The following MAGI2 variants were observed in gnomAD, a reference collection of about 807,000 sequenced individuals.
The protein encoded by MAGI2 is membrane-associated guanylate kinase, WW and PDZ domain-containing protein 2.
In MAGI2, 35 loss-of-function variants were observed where a neutral mutation model predicts 133.3. The ratio of observed to expected loss-of-function variants is 0.26; its 90% confidence interval spans 0.20 to 0.35. The LOEUF is 0.35. Among genes scored for constraint, MAGI2 ranks in the 10% least tolerant of loss-of-function variants. The pLI, the probability that MAGI2 is intolerant of heterozygous loss-of-function variation, is 1.00. For missense variants in MAGI2, 1,636 were observed against 1,863.4 expected (o/e 0.88, Z 2.25); for synonymous variants, 729 against 710.6 (o/e 1.03, Z -0.41).
intron 1 of MAGI2, among the ~76,000 whole-genome samples, chr7:79,361,974 G>T (rs968510941): frequency 1.3e-4 from 20 of 152,110 alleles, no homozygotes; most frequent in Admixed American, 1.2e-3. Flanking sequence ...TTATGGAAAT[G>T]AGGAAAAGTC....
intron 1 of MAGI2, among the ~76,000 whole-genome samples, chr7:79,265,514 C>A (rs1834386727): frequency 6.6e-6 from 1 of 151,952 alleles, no homozygotes; most frequent in African/African-American, 2.4e-5. Context: ...GTGTGAATGT[C>A]CATATTTATA....
chr7:78,698,797 C>T (rs1448452245), intron 2 of MAGI2, among the ~76,000 whole-genome samples: 3 of 152,110 alleles, frequency 2.0e-5, no homozygotes, highest in East Asian at 3.9e-4. Flanking sequence ...GGGAAAGCCC[C>T]TTACAAAACC....
chr7:78,308,352 A>G (rs1288532400), intron 9 of MAGI2, among the ~76,000 whole-genome samples: 1 of 152,198 alleles, frequency 6.6e-6, no homozygotes, highest in Non-Finnish European at 1.5e-5. Context: ...ATGTACAACA[A>G]GACTGTCAGC....
At chr7:78,399,971 A>G (rs1796710228) in intron 6 of MAGI2, among the ~76,000 whole-genome samples, 1 of 152,122 alleles carries the variant, frequency 6.6e-6, no homozygotes, top group Non-Finnish European at 1.5e-5. Flanking sequence ...AAACAAAACC[A>G]AAAAACCATG....
intron 2 of MAGI2, among the ~76,000 whole-genome samples, chr7:78,952,402 T>C (rs1428577651): frequency 6.6e-6 from 1 of 152,176 alleles, no homozygotes; most frequent in Non-Finnish European, 1.5e-5. Context: ...GGGTCTATAT[T>C]GCCCTCTCAT....
chr7:78,780,155 C>T (rs570345561), intron 2 of MAGI2, among the ~76,000 whole-genome samples: 19 of 152,292 alleles, frequency 1.2e-4, no homozygotes, highest in African/African-American at 3.6e-4. Flanking sequence ...AAAACTGGCT[C>T]TATGAAAAAC....
chr7:79,377,724 G>A (rs1296752277), intron 1 of MAGI2, among the ~76,000 whole-genome samples: 2 of 151,724 alleles, frequency 1.3e-5, no homozygotes, highest in Admixed American at 1.3e-4. Context: ...ATCACTGGAG[G>A]GAACAATTAG....
chr7:78,628,299 T>C (rs373895358), intron 2 of MAGI2, among the ~76,000 whole-genome samples: 7 of 84,348 alleles, frequency 8.3e-5, no homozygotes, highest in Non-Finnish European at 1.6e-4. Context: ...AAGAAATATA[T>C]AGAAGCCAGA....
At chr7:78,761,250 C>T (rs749422109) in intron 2 of MAGI2, among the ~76,000 whole-genome samples, 9 of 152,154 alleles carry the variant, frequency 5.9e-5, no homozygotes, top group South Asian at 2.1e-4. Flanking sequence ...CCAGGACATG[C>T]AAGGCATGGG....
At chr7:79,194,835 TA>T in intron 1 of MAGI2, among the ~76,000 whole-genome samples, 1 of 151,816 alleles carries the variant, frequency 6.6e-6, no homozygotes, top group East Asian at 1.9e-4. Flanking sequence ...CTGTTTGCTA[TA>T]GTAAAGGTTA....
At chr7:78,874,657 T>A (rs1349129494) in intron 2 of MAGI2, among the ~76,000 whole-genome samples, 1 of 152,126 alleles carries the variant, frequency 6.6e-6, no homozygotes, top group African/African-American at 2.4e-5. Flanking sequence ...GGGAAATCAA[T>A]CTATTAGTCA....
chr7:78,539,395 A>G (rs1378157724), intron 3 of MAGI2, among the ~76,000 whole-genome samples: 1 of 152,064 alleles, frequency 6.6e-6, no homozygotes, highest in Non-Finnish European at 1.5e-5. Context: ...CCTTTTGGAT[A>G]TGCTGTTGGA....
Position 78,195,075 on chromosome 7 carries a change from C to G in MAGI2, c.2080-12G>C. ...CATCGGTCCATTATCTGAAAAGTGA[C>G]AGAGGACAGAGAAAATGACTGACAA... On this transcript the variant is annotated splice_polypyrimidine_tract_variant and intron_variant, in intron 11 of 21. Transcript: ENST00000354212. 6.3e-7 allele frequency: 1 copy of G among 1,579,686 alleles called. No homozygotes were observed. The highest frequency in any genetic ancestry group is 8.6e-7 in the Non-Finnish European group (1 of 1,163,032).
In MAGI2 at chr7:78,536,103, C is replaced by CTTTTTTTTTTTT. The variant is rs544655465; in HGVS notation, c.539-14470_539-14459dup. Among the ~76,000 whole-genome samples the CTTTTTTTTTTTT allele has an allele frequency of 1.5e-4, 9 of 59,938 alleles. 1 individual carries two copies. The highest frequency in any genetic ancestry group is 3.0e-4 in the African/African-American group (4 of 13,224). 39.3% of individuals were successfully genotyped at this position (59,938 alleles called of 152,430 possible). ...TACAGCTGGCTCTGTATGAATTAAA[C>CTTTTTTTTTTTT]TTTTTTTTTTTTTTTTTTTTTTTTT... On this transcript the variant is annotated intron_variant, in intron 3 of 21. Transcript: ENST00000354212.
chr7:78,335,028 C>T (rs1310767857), intron 9 of MAGI2, among the ~76,000 whole-genome samples: 3 of 152,306 alleles, frequency 2.0e-5, no homozygotes, highest in Non-Finnish European at 4.4e-5. Context: ...CACAGCCATA[C>T]TCTCTTGTTT....
chr7:78,785,687 C>A (rs78123959), intron 2 of MAGI2, among the ~76,000 whole-genome samples: 11,890 of 152,164 alleles, frequency 0.078, 607 homozygotes, highest in East Asian at 0.24. Context: ...TCTTTCCTGT[C>A]TTCTAGGTGT....
At chr7:79,033,198 T>C (rs1810773849) in intron 1 of MAGI2, among the ~76,000 whole-genome samples, 1 of 152,180 alleles carries the variant, frequency 6.6e-6, no homozygotes, top group Admixed American at 6.5e-5. Context: ...CCATGTATTA[T>C]CTATACTGGA....
chr7:78,381,635 T>G (rs1339223949), intron 6 of MAGI2, among the ~76,000 whole-genome samples: 1 of 152,148 alleles, frequency 6.6e-6, no homozygotes, highest in African/African-American at 2.4e-5. Context: ...AATAGAGGAA[T>G]ATGCAAAAGC....
chr7:78,979,073 T>A lies in MAGI2; in HGVS notation c.418+28017A>T, dbSNP rs373246397. 2.3e-3 allele frequency among the ~76,000 whole-genome samples: 353 copies of A among 152,014 alleles called. 1 individual carries two copies. Among genetic ancestry groups the A allele is most frequent in the African/African-American group, 8.0e-3 (333 of 41,524 alleles). On this transcript the variant is annotated intron_variant, in intron 2 of 21. Transcript: ENST00000354212. ...GTAAAAACTCAAGTTTCATTTAATA[T>A]AAATATACATGGTTACACATAGAAG...
Sources: gnomAD v4.1 joint callset for allele counts (sites outside exome capture counted in the v4.1 genomes callset) on GRCh38, gnomAD v4.1.1 for gene constraint, MANE v1.5 for transcripts, NCBI Gene and HGNC (gene_info 2026-07-23, HGNC 2026-07-21) for gene names.